COQ3: variants seen among roughly 807,000 people sequenced by gnomAD.
COQ3 encodes the protein ubiquinone biosynthesis O-methyltransferase, mitochondrial.
A neutral mutation model predicts 33.1 loss-of-function variants in COQ3; 29 were observed. That is an observed-to-expected ratio of 0.88 (90% CI 0.65 to 1.19). The LOEUF is 1.19. Among genes scored for constraint, COQ3 ranks in the 50% most tolerant of loss-of-function variants. The pLI, the probability that COQ3 is intolerant of heterozygous loss-of-function variation, is 0.00. For missense variants in COQ3, 437 were observed against 430.7 expected, an observed-to-expected ratio of 1.01 and a Z score of -0.13; for synonymous variants, 173 against 157.8, an observed-to-expected ratio of 1.10 and a Z score of -0.72.
At chr6:99,372,019 T>G (rs578111513) in intron 5 of COQ3, among the ~76,000 whole-genome samples, 1 of 152,246 alleles carries the variant, frequency 6.6e-6, no homozygotes, top group Non-Finnish European at 1.5e-5. Context: ...ATACATCTTG[T>G]GCAGGGAAGT....
intron 6 of COQ3, among the ~76,000 whole-genome samples, chr6:99,370,261 T>C (rs909009854): frequency 2.0e-5 from 3 of 152,142 alleles, no homozygotes; most frequent in Admixed American, 2.0e-4. Context: ...AAAAAATATG[T>C]GCCAACAGGA....
chr6:99,381,667 T>C (rs2128472121), intron 2 of COQ3, among the ~76,000 whole-genome samples: 1 of 152,320 alleles, frequency 6.6e-6, no homozygotes, highest in South Asian at 2.1e-4. Flanking sequence ...GGCTGACGTC[T>C]GTAATCGCAG....
At chr6:99,370,300 A>G (rs1343264677) in intron 6 of COQ3, among the ~76,000 whole-genome samples, 1 of 126,652 alleles carries the variant, frequency 7.9e-6, no homozygotes, top group Non-Finnish European at 1.7e-5. Context: ...TCTTTAAAAC[A>G]TTTTTTTCCT....
chr6:99,374,190 C>T (rs116814482), intron 5 of COQ3, among the ~76,000 whole-genome samples: 1 of 150,790 alleles, frequency 6.6e-6, no homozygotes, highest in East Asian at 1.9e-4. Context: ...AAGTATAATG[C>T]TGATGTTAAT....
chr6:99,378,580 G>A (rs965858609), intron 3 of COQ3, among the ~76,000 whole-genome samples: 1 of 152,146 alleles, frequency 6.6e-6, no homozygotes, highest in Non-Finnish European at 1.5e-5. Flanking sequence ...ATCACGTAAA[G>A]TTTGCTTAAA....
intron 2 of COQ3, 41 bp from the exon 3 acceptor site, chr6:99,380,382 T>C (rs1177839377): frequency 6.3e-7 from 1 of 1,597,608 alleles, no homozygotes; most frequent in East Asian, 2.2e-5. Context: ...TACTGCTGTT[T>C]TGAAGAAATG....
intron 5 of COQ3, 88 bp downstream of exon 5, chr6:99,375,852 C>A: frequency 7.1e-7 from 1 of 1,408,288 alleles, no homozygotes. Flanking sequence ...TGCTGGACTG[C>A]TAATGCATTA....
chr6:99,385,697 G>A (rs1346251311), intron 1 of COQ3, among the ~76,000 whole-genome samples: 1 of 152,092 alleles, frequency 6.6e-6, no homozygotes, highest in Non-Finnish European at 1.5e-5. Flanking sequence ...GCCAGGAATG[G>A]TGGCTCACAC....
intron 1 of COQ3, among the ~76,000 whole-genome samples, chr6:99,388,918 CACACACACACACA>C (rs1562210327): frequency 2.0e-5 from 3 of 149,436 alleles, no homozygotes; most frequent in African/African-American, 7.3e-5. Context: ...CACACACACA[CACACACACACACA>C]CACCCACATC....
At chr6:99,381,313 C>T (rs1435292779) in intron 2 of COQ3, among the ~76,000 whole-genome samples, 1 of 152,166 alleles carries the variant, frequency 6.6e-6, no homozygotes, top group African/African-American at 2.4e-5. Flanking sequence ...GAATAAAATG[C>T]TTCCATATCT....
In COQ3 at chr6:99,375,959, C is replaced by A; in HGVS notation, c.710G>T (p.Cys237Phe). ...HVIDLETFLQ[C>F]CCQVLKPGGS... ...CCTTACTTTTAACACTTGACAGCAG[C>A]ACTGTAAAAATGTTTCTAGATCAAT... Residue 237 changes from cysteine to phenylalanine, a missense_variant, in exon 5 of 7, where the codon TGC (cysteine) becomes TTC (phenylalanine). Physicochemically the swap from Cys to Phe is radical, Grantham distance 205. Coordinates refer to ENST00000254759, the MANE Select transcript of COQ3 (RefSeq NM_017421.4). 1 of 1,614,020 alleles carries A rather than the reference C, an allele frequency of 6.2e-7. No homozygotes were observed. The highest frequency in any genetic ancestry group is 1.7e-5 in the Admixed American group (1 of 60,020).
At chr6:99,376,953 A>G (rs1774300100) in intron 4 of COQ3, among the ~76,000 whole-genome samples, 2 of 151,084 alleles carry the variant, frequency 1.3e-5, no homozygotes, top group Non-Finnish European at 3.0e-5. Context: ...ACAAGAGTGA[A>G]ACTCTGTCTC....
In COQ3 at chr6:99,369,778, G is replaced by T. The variant is rs1404282939; in HGVS notation, c.932C>A (p.Pro311His). ...VQTVVGMLYN[P>H]FSGYWHWSEN... ...ACTCCAATGCCAGTAACCTGAGAAG[G>T]GGTTATAGAGCATTCCTACCACTGT... Residue 311 changes from proline to histidine, a missense_variant, in exon 7 of 7, where the codon CCC (proline) becomes CAC (histidine). By Grantham distance (77) the Pro-to-His change is moderately conservative. Transcript: ENST00000254759. 3 of 1,613,190 alleles carry T rather than the reference G, an allele frequency of 1.9e-6. No individual in the cohort carries two copies. The East Asian group carries it at 6.7e-5, about 36-fold the overall frequency.
In COQ3 at chr6:99,369,523, C is replaced by G; in HGVS notation, c.*77G>C. The G allele has an allele frequency of 8.9e-7, 1 of 1,121,732 alleles. No homozygotes were observed. 69.5% of individuals were successfully genotyped at this position (1,121,732 alleles called of 1,614,324 possible). On this transcript the variant is annotated 3_prime_UTR_variant, in exon 7 of 7. Coordinates refer to ENST00000254759, the MANE Select transcript of COQ3 (RefSeq NM_017421.4). The stretch of plus-strand genomic sequence containing the variant: ...CCTTCTTTTCTTCATGATTCTCTCT[C>G]AAAGGATAAATTGTACATTTTTGTA...
intron 1 of COQ3, among the ~76,000 whole-genome samples, chr6:99,386,644 G>A (rs998841593): frequency 1.3e-5 from 2 of 152,048 alleles, no homozygotes; most frequent in Admixed American, 1.3e-4. Flanking sequence ...GACATTAAAA[G>A]GTTGATAAGG....
intron 2 of COQ3, among the ~76,000 whole-genome samples, chr6:99,381,007 CT>C (rs1774458748): frequency 6.6e-6 from 1 of 152,108 alleles, no homozygotes; most frequent in Non-Finnish European, 1.5e-5. Flanking sequence ...TCACTTAATC[CT>C]TCCAACAACT....
chr6:99,382,603 T>C (rs1044984607), intron 2 of COQ3, among the ~76,000 whole-genome samples: 2 of 152,166 alleles, frequency 1.3e-5, no homozygotes, highest in Admixed American at 6.5e-5. Context: ...TAAGAATGAT[T>C]TCATATAAAC....
chr6:99,380,335 A>G lies in COQ3; in HGVS notation c.240T>C (p.Pro80=), dbSNP rs1260099527. 8 of 1,613,410 alleles carry G rather than the reference A, an allele frequency of 5.0e-6. No homozygotes were observed. The highest frequency in any genetic ancestry group is 2.2e-5 in the East Asian group (1 of 44,858). Residue 80 remains proline, a synonymous_variant, in exon 3 of 7, where the codon CCT becomes CCC. Transcript: ENST00000254759. ...GGGAAGTACTGTACAGTCTCGCCCA[A>G]GGGTACCTAAAAGGTGAAAATGAAG... ...CLNRIKSFRY[P]WARLYSTSQT... is the part of the protein sequence containing the mutation.
intron 1 of COQ3, among the ~76,000 whole-genome samples, chr6:99,391,566 A>G (rs1774831333): frequency 6.8e-6 from 1 of 146,578 alleles, no homozygotes; most frequent in Non-Finnish European, 1.5e-5. Flanking sequence ...AGGTATTACT[A>G]TTATGAAACT....
Sources: gnomAD v4.1 joint callset for allele counts (sites outside exome capture counted in the v4.1 genomes callset) on GRCh38, gnomAD v4.1.1 for gene constraint, MANE v1.5 for transcripts, NCBI Gene and HGNC (gene_info 2026-07-23, HGNC 2026-07-21) for gene names.